The following ENTHD1 variants were observed in gnomAD, a reference collection of about 807,000 sequenced individuals.
ENTHD1 encodes ENTH domain-containing protein 1.
ENTHD1 carries 23 observed loss-of-function variants against 39.1 expected under a neutral mutation model. That is an observed-to-expected ratio of 0.59 (90% CI 0.42 to 0.83). The LOEUF is 0.83. Ranked by LOEUF, ENTHD1 falls within the 40% of genes least tolerant of loss-of-function variation. ENTHD1 has a pLI of 0.00. For missense variants in ENTHD1, 624 were observed against 705.4 expected (o/e 0.88, Z 1.31); for synonymous variants, 230 against 258.2 (o/e 0.89, Z 1.05).
chr22:39,872,994 T>A lies in ENTHD1; in HGVS notation c.350-10987A>T, dbSNP rs150892622. On this transcript the variant is annotated intron_variant, in intron 2 of 6. Coordinates refer to ENST00000325157, the MANE Select transcript of ENTHD1 (RefSeq NM_152512.4). Reference sequence around the variant, plus strand: ...GCTAATTTTCTTTTCTTTCTTTTTCTTTTTTTTTAATGTAGAGACAGGGTC... The same window carrying A: ...GCTAATTTTCTTTTCTTTCTTTTTCATTTTTTTTAATGTAGAGACAGGGTC... Among the ~76,000 whole-genome samples the A allele has an allele frequency of 1.7e-3, 255 of 150,540 alleles. 6 individuals carry two copies. In the East Asian group the frequency reaches 0.036, roughly 21 times the overall value.
At chr22:39,765,133 A>C in intron 6 of ENTHD1, 90 bp downstream of exon 6, 1 of 1,438,768 alleles carries the variant, frequency 7.0e-7, no homozygotes, top group Non-Finnish European at 9.1e-7. Flanking sequence ...AAGGAGACAG[A>C]AAGCAGAGAA....
At chr22:39,755,910 CTT>C (rs1245761861) in intron 6 of ENTHD1, among the ~76,000 whole-genome samples, 1 of 152,130 alleles carries the variant, frequency 6.6e-6, no homozygotes, top group Non-Finnish European at 1.5e-5. Context: ...GGTCAGGTGT[CTT>C]GCCTAAGGTT....
Position 39,862,722 on chromosome 22 carries a change from T to C in ENTHD1, c.350-715A>G, listed in dbSNP as rs148794676. Among the ~76,000 whole-genome samples, 488 of 152,034 alleles carry C rather than the reference T, an allele frequency of 3.2e-3. 4 individuals are homozygous for C. Among genetic ancestry groups the C allele is most frequent in the African/African-American group, 0.011 (466 of 41,452 alleles). On this transcript the variant is annotated intron_variant, in intron 2 of 6. Coordinates refer to ENST00000325157, the MANE Select transcript of ENTHD1 (RefSeq NM_152512.4). ...CAATAGGATTTGAAGCTGTAACATA[T>C]AGAGGAAAAGAAATCACCATATATG...
intron 5 of ENTHD1, among the ~76,000 whole-genome samples, chr22:39,780,375 C>CAAAA (rs34934042): frequency 1.8e-4 from 24 of 134,122 alleles, no homozygotes; most frequent in Non-Finnish European, 2.9e-4. Context: ...AGACTAGTCT[C>CAAAA]AAAAAAAAAA....
chr22:39,749,347 C>T (rs2065130965), intron 6 of ENTHD1, among the ~76,000 whole-genome samples: 1 of 152,144 alleles, frequency 6.6e-6, no homozygotes, highest in Admixed American at 6.5e-5. Context: ...ATTTGCACAC[C>T]AATTAATGTT....
chr22:39,884,460 G>A lies in ENTHD1; in HGVS notation c.349+2940C>T, dbSNP rs766624246. ...CTCCCAAAGGGCTGGGATTATAGGC[G>A]TGAGTCACCGCGCCTGGCCCTAGCC... is the stretch of plus-strand genomic sequence containing the variant. On this transcript the variant is annotated intron_variant, in intron 2 of 6. Transcript: ENST00000325157. 4.6e-5 allele frequency among the ~76,000 whole-genome samples: 7 copies of A among 152,116 alleles called. 1 individual carries two copies. The South Asian group carries it at 8.3e-4, about 18-fold the overall frequency.
intron 2 of ENTHD1, among the ~76,000 whole-genome samples, chr22:39,872,709 T>C (rs2066253773): frequency 6.6e-6 from 1 of 152,106 alleles, no homozygotes. Context: ...GAGGATACAA[T>C]GGGGAGTATT....
At chr22:39,757,916 C>T (rs2065197696) in intron 6 of ENTHD1, among the ~76,000 whole-genome samples, 1 of 152,060 alleles carries the variant, frequency 6.6e-6, no homozygotes, top group Non-Finnish European at 1.5e-5. Context: ...ACTCTCTCTC[C>T]TACCACCTTG....
chr22:39,840,564 A>G (rs978620990), intron 3 of ENTHD1, among the ~76,000 whole-genome samples: 6 of 152,198 alleles, frequency 3.9e-5, no homozygotes, highest in African/African-American at 1.2e-4. Flanking sequence ...AGTGAATTAA[A>G]TAATTTGCTT....
intron 6 of ENTHD1, among the ~76,000 whole-genome samples, chr22:39,758,120 C>G (rs2065199583): frequency 6.6e-6 from 1 of 152,280 alleles, no homozygotes; most frequent in African/African-American, 2.4e-5. Context: ...AACTATGTAT[C>G]CTGAAATCTT....
chr22:39,787,467 C>T (rs2065468945), intron 5 of ENTHD1, among the ~76,000 whole-genome samples: 1 of 152,122 alleles, frequency 6.6e-6, no homozygotes, highest in South Asian at 2.1e-4. Context: ...GCCTCTTGTA[C>T]CAACACTTAG....
rs137993682 is a variant in ENTHD1, at chr22:39,783,099, C to T, written c.833-17490G>A. On this transcript the variant is annotated intron_variant, in intron 5 of 6. Transcript: ENST00000325157. ...GTAAAGCTGGAGGATGTAAAATCAA[C>T]ATACAAAATTCAGTAGCACTTATAT... is the stretch of plus-strand genomic sequence containing the variant. Among the ~76,000 whole-genome samples, 6 of 152,228 alleles carry T rather than the reference C, an allele frequency of 3.9e-5. No homozygotes were observed. In the East Asian group the frequency reaches 9.6e-4, roughly 24 times the overall value.
intron 2 of ENTHD1, among the ~76,000 whole-genome samples, chr22:39,862,277 C>A (rs1002979190): frequency 6.6e-6 from 1 of 151,750 alleles, no homozygotes; most frequent in Non-Finnish European, 1.5e-5. Context: ...TGGCTGGGTG[C>A]GGTGGCTCAT....
chr22:39,774,349 TG>T (rs2065350933), intron 5 of ENTHD1, among the ~76,000 whole-genome samples: 1 of 152,152 alleles, frequency 6.6e-6, no homozygotes, highest in Non-Finnish European at 1.5e-5. Context: ...TGGTCACCTG[TG>T]GGCAAGTAAT....
chr22:39,806,863 G>A (rs2065644766), intron 5 of ENTHD1, among the ~76,000 whole-genome samples: 1 of 152,146 alleles, frequency 6.6e-6, no homozygotes, highest in South Asian at 2.1e-4. Flanking sequence ...AAATGAATAG[G>A]AATGGAGGAC....
At chr22:39,882,484 G>A (rs769630178) in intron 2 of ENTHD1, among the ~76,000 whole-genome samples, 3 of 152,176 alleles carry the variant, frequency 2.0e-5, no homozygotes, top group Non-Finnish European at 2.9e-5. Flanking sequence ...TTAATGCAAT[G>A]TGCTACATTG....
chr22:39,775,424 A>G (rs995558265), intron 5 of ENTHD1, among the ~76,000 whole-genome samples: 1 of 152,194 alleles, frequency 6.6e-6, no homozygotes, highest in Non-Finnish European at 1.5e-5. Context: ...GTCTTTATTT[A>G]GTCCCTTTGA....
At chr22:39,868,200 C>T (rs544843764) in intron 2 of ENTHD1, among the ~76,000 whole-genome samples, 1 of 152,168 alleles carries the variant, frequency 6.6e-6, no homozygotes, top group African/African-American at 2.4e-5. Context: ...ATACTTGGAA[C>T]TAAATGAAGC....
chr22:39,810,468 C>T (rs115509356), intron 5 of ENTHD1, among the ~76,000 whole-genome samples: 1 of 152,268 alleles, frequency 6.6e-6, no homozygotes, highest in African/African-American at 2.4e-5. Flanking sequence ...CCTCTGCTTC[C>T]ACCACCCATG....
Sources: allele counts gnomAD v4.1 joint callset (sites outside exome capture counted in the v4.1 genomes callset), GRCh38; gene constraint gnomAD v4.1.1; transcripts MANE v1.5; gene names NCBI Gene and HGNC (gene_info 2026-07-23, HGNC 2026-07-21).